Variants in KCNIP4 observed in about 807,000 individuals in gnomAD.
KCNIP4 encodes Kv channel-interacting protein 4.
Under a neutral mutation model 34.0 loss-of-function variants are expected in KCNIP4, and 12 were observed. The observed-to-expected ratio is 0.35, with a 90% CI of 0.23 to 0.57. KCNIP4 has a LOEUF of 0.57. Ranked by LOEUF, KCNIP4 falls within the 20% of genes least tolerant of loss-of-function variation. The pLI is 0.83. For synonymous variants in KCNIP4, 124 were observed against 102.2 expected (o/e 1.21, Z -1.29); for missense variants, 238 against 311.7 (o/e 0.76, Z 1.78).
rs4696977 is a variant in KCNIP4 at position 21,389,706 on chromosome 4, G to A, written c.62-506997C>T. ...TTTCTTAATCCAGTTTATCATTGAT[G>A]GACATTTGCGTTGGTTCCAAGTCTT... On this transcript the variant is annotated intron_variant, in intron 1 of 8. Transcript: ENST00000382152. Among the ~76,000 whole-genome samples, 1,141 of 151,974 alleles carry A rather than the reference G, an allele frequency of 7.5e-3. 50 individuals are homozygous for A. The highest frequency in any genetic ancestry group is 0.07 in the Admixed American group (1,062 of 15,230).
intron 1 of KCNIP4, among the ~76,000 whole-genome samples, chr4:21,366,536 G>A (rs369850058): frequency 6.6e-6 from 1 of 152,212 alleles, no homozygotes; most frequent in Non-Finnish European, 1.5e-5. Context: ...GAGCACTAAC[G>A]ATGGGACTGC....
intron 1 of KCNIP4, among the ~76,000 whole-genome samples, chr4:21,128,298 GT>G (rs1750781582): frequency 6.6e-6 from 1 of 152,106 alleles, no homozygotes; most frequent in Non-Finnish European, 1.5e-5. Context: ...ATTCAAGACT[GT>G]TTTCCCCCTG....
intron 1 of KCNIP4, among the ~76,000 whole-genome samples, chr4:21,319,547 C>T (rs532742805): frequency 8.2e-4 from 125 of 152,284 alleles, no homozygotes; most frequent in African/African-American, 3.0e-3. Context: ...TATGTCTAGG[C>T]CCATCATATC....
Position 21,125,406 on chromosome 4 carries a change from G to A in KCNIP4, c.62-242697C>T, listed in dbSNP as rs192541783. On this transcript the variant is annotated intron_variant, in intron 1 of 8. Transcript: ENST00000382152. ...TAATTTTTGTATTTTTAGTAGAGAC[G>A]GGGTTTCACCATGTTGGCCAGGCTG... Among the ~76,000 whole-genome samples, 581 of 151,714 alleles carry A rather than the reference G, an allele frequency of 3.8e-3. 5 individuals are homozygous for A. The highest frequency in any genetic ancestry group is 0.013 in the African/African-American group (539 of 41,354).
intron 1 of KCNIP4, among the ~76,000 whole-genome samples, chr4:21,418,818 G>C (rs1725189840): frequency 6.6e-6 from 1 of 152,130 alleles, no homozygotes; most frequent in African/African-American, 2.4e-5. Flanking sequence ...TCTTTGCTCA[G>C]AAGGCTCCAA....
chr4:21,659,521 C>T (rs1577779731), intron 1 of KCNIP4, among the ~76,000 whole-genome samples: 1 of 152,280 alleles, frequency 6.6e-6, no homozygotes, highest in South Asian at 2.1e-4. Context: ...CATTTCTCCT[C>T]AGCATTAATT....
intron 1 of KCNIP4, among the ~76,000 whole-genome samples, chr4:21,004,412 T>A (rs1738386431): frequency 6.6e-6 from 1 of 152,134 alleles, no homozygotes. Context: ...TTGGGCCAAG[T>A]GGAAATAGTA....
At chr4:21,663,810 A>G (rs1748629473) in intron 1 of KCNIP4, among the ~76,000 whole-genome samples, 1 of 152,176 alleles carries the variant, frequency 6.6e-6, no homozygotes, top group East Asian at 1.9e-4. Context: ...AGCTTCCAAA[A>G]TCTCATTCTC....
At chr4:21,002,708 A>G (rs552659457) in intron 1 of KCNIP4, among the ~76,000 whole-genome samples, 5 of 152,186 alleles carry the variant, frequency 3.3e-5, no homozygotes, top group Admixed American at 6.5e-5. Flanking sequence ...TTTTACAAGT[A>G]CTCTGGATGA....
At position 21,749,335 on chromosome 4, in the gene KCNIP4, G is replaced by C. The variant is rs79891953; in HGVS notation, c.61+199236C>G. On this transcript the variant is annotated intron_variant, in intron 1 of 8. Transcript: ENST00000382152. ...ATTTCTCCAAAGCTCAACTCCCTAGGAGCATTTTGTCAATGTTGGGTAATT... is the reference window on the plus strand; with the variant it reads ...ATTTCTCCAAAGCTCAACTCCCTAGCAGCATTTTGTCAATGTTGGGTAATT... Among the ~76,000 whole-genome samples the C allele has an allele frequency of 8.7e-3, 1,328 of 152,232 alleles. 19 individuals are homozygous for C. The highest frequency in any genetic ancestry group is 0.039 in the South Asian group (188 of 4,814).
chr4:21,316,304 A>G (rs890882216), intron 1 of KCNIP4: 2 of 152,224 alleles, frequency 1.3e-5, no homozygotes, highest in Admixed American at 6.5e-5. Flanking sequence ...TGCCTGAAAT[A>G]TATTAGTTGA....
intron 1 of KCNIP4, among the ~76,000 whole-genome samples, chr4:21,646,186 C>T (rs1196341748): frequency 1.3e-5 from 2 of 152,170 alleles, no homozygotes; most frequent in East Asian, 3.9e-4. Context: ...TTATTATCCT[C>T]CACTTGGCCT....
intron 1 of KCNIP4, among the ~76,000 whole-genome samples, chr4:21,640,991 T>C (rs554792078): frequency 1.9e-4 from 29 of 152,352 alleles, no homozygotes; most frequent in African/African-American, 5.5e-4. Flanking sequence ...AAACTGCTTT[T>C]GGTCTACTAC....
At chr4:21,200,118 C>T (rs564457865) in intron 1 of KCNIP4, among the ~76,000 whole-genome samples, 3 of 151,650 alleles carry the variant, frequency 2.0e-5, no homozygotes, top group South Asian at 2.1e-4. Flanking sequence ...TGCAGCACAC[C>T]AACACGGCAC....
intron 1 of KCNIP4, among the ~76,000 whole-genome samples, chr4:21,726,331 G>T (rs1715190744): frequency 6.6e-6 from 1 of 152,138 alleles, no homozygotes; most frequent in African/African-American, 2.4e-5. Flanking sequence ...AAAGAGGCAT[G>T]TCTTCTGCTT....
At chr4:21,340,883 G>A (rs1202849515) in intron 1 of KCNIP4, among the ~76,000 whole-genome samples, 1 of 152,076 alleles carries the variant, frequency 6.6e-6, no homozygotes, top group Non-Finnish European at 1.5e-5. Context: ...TGTGCATAGG[G>A]CAGATAAAAG....
intron 1 of KCNIP4, among the ~76,000 whole-genome samples, chr4:21,652,231 T>C (rs1747549839): frequency 6.6e-6 from 1 of 152,214 alleles, no homozygotes; most frequent in Admixed American, 6.5e-5. Context: ...CCTTGTAGTA[T>C]AAGTTTTCAG....
chr4:21,055,843 A>G (rs1743351766), intron 1 of KCNIP4, among the ~76,000 whole-genome samples: 1 of 152,220 alleles, frequency 6.6e-6, no homozygotes, highest in Non-Finnish European at 1.5e-5. Context: ...AATACTCTGT[A>G]TGATACTGTA....
chr4:21,012,998 A>G (rs987960986), intron 1 of KCNIP4, among the ~76,000 whole-genome samples: 2 of 152,216 alleles, frequency 1.3e-5, no homozygotes, highest in Admixed American at 6.5e-5. Context: ...TATTATGGCC[A>G]AAGGCAATGA....
Sources: gnomAD v4.1 joint callset for allele counts (sites outside exome capture counted in the v4.1 genomes callset) on GRCh38, gnomAD v4.1.1 for gene constraint, MANE v1.5 for transcripts, NCBI Gene and HGNC (gene_info 2026-07-23, HGNC 2026-07-21) for gene names.